The following ZFHX3 variants were observed in gnomAD, a reference collection of about 807,000 sequenced individuals.
ZFHX3 encodes zinc finger homeobox 3.
In ZFHX3, 42 loss-of-function variants were observed where a neutral mutation model predicts 279.1. The observed-to-expected ratio is 0.15, with a 90% CI of 0.12 to 0.19. ZFHX3 has a LOEUF of 0.19. ZFHX3 is among the 10% of genes least tolerant of loss of function. The pLI is 1.00. For synonymous variants in ZFHX3, 2,293 were observed against 1,957.8 expected (o/e 1.17, Z -4.52); for missense variants, 4,981 against 4,754.0 (o/e 1.05, Z -1.40).
chr16:73,559,256 C>T (rs2020334170), intron 2 of ZFHX3, among the ~76,000 whole-genome samples: 1 of 152,088 alleles, frequency 6.6e-6, no homozygotes, highest in South Asian at 2.1e-4. Flanking sequence ...CTATGTTTCC[C>T]AGGCTGGTCT....
rs2143417261 is a variant in ZFHX3 at position 72,795,530 on chromosome 16, G to A, written c.7152C>T (p.Thr2384=). 1 of 1,614,116 alleles carries A rather than the reference G, an allele frequency of 6.2e-7. No individual in the cohort carries two copies. Residue 2384 remains threonine, a synonymous_variant, in exon 9 of 10, where the codon ACC becomes ACT. Coordinates refer to ENST00000268489, the MANE Select transcript of ZFHX3 (RefSeq NM_006885.4). ...ILTPTSSSCS[T]PMPSQAYSAP... Reference sequence around the variant, plus strand: ...CGCTGTAAGCCTGTGAGGGCATCGGGGTACTGCAGGATGAGCTGGTAGGCG... The same window carrying A: ...CGCTGTAAGCCTGTGAGGGCATCGGAGTACTGCAGGATGAGCTGGTAGGCG...
At chr16:73,753,176 A>C (rs1392875275) in intron 1 of ZFHX3, among the ~76,000 whole-genome samples, 1 of 152,164 alleles carries the variant, frequency 6.6e-6, no homozygotes, top group Non-Finnish European at 1.5e-5. Context: ...CATGAGTTAC[A>C]GTGCTATTGG....
chr16:73,395,486 T>C (rs1282598439), intron 3 of ZFHX3, among the ~76,000 whole-genome samples: 2 of 151,454 alleles, frequency 1.3e-5, no homozygotes, highest in Admixed American at 6.6e-5. Flanking sequence ...CAAAAACCAA[T>C]CATCTGGCCC....
intron 3 of ZFHX3, among the ~76,000 whole-genome samples, chr16:73,386,046 G>A (rs2143382165): frequency 6.6e-6 from 1 of 152,298 alleles, no homozygotes; most frequent in African/African-American, 2.4e-5. Context: ...AAGCACTAAA[G>A]AAACTACCGA....
chr16:72,827,266 T>C (rs1227027119), intron 5 of ZFHX3, among the ~76,000 whole-genome samples: 6 of 152,222 alleles, frequency 3.9e-5, no homozygotes, highest in Non-Finnish European at 8.8e-5. Context: ...CCTCATCTTA[T>C]ATATCACTAA....
At chr16:73,001,651 A>G (rs1963503118) in intron 1 of ZFHX3, among the ~76,000 whole-genome samples, 1 of 151,778 alleles carries the variant, frequency 6.6e-6, no homozygotes, top group African/African-American at 2.4e-5. Flanking sequence ...TGTCTCTACA[A>G]AATTTTTTTT....
chr16:72,787,376 G>A lies in ZFHX3; in HGVS notation c.10900C>T (p.Pro3634Ser), dbSNP rs750437411. The A allele has an allele frequency of 3.0e-5, 49 of 1,608,654 alleles. No homozygotes were observed. Among genetic ancestry groups the A allele is most frequent in the South Asian group, 5.5e-5 (5 of 90,764 alleles). The change falls in exon 10 of 10, where the codon CCT becomes TCT. Residue 3634 changes from proline (P) to serine (S), a missense_variant. Transcript: ENST00000268489. The part of the protein sequence containing the change: ...ASAAKPPSFP[P>S]LSSSSTVTSS... ...GTAACCGTTGAAGATGAGGAGAGAG[G>A]AGGAAAAGAAGGGGGCTTCGCTGCC... is the stretch of plus-strand genomic sequence containing the variant.
At chr16:73,633,295 ATGAC>A (rs2052494926) in intron 2 of ZFHX3, among the ~76,000 whole-genome samples, 1 of 152,208 alleles carries the variant, frequency 6.6e-6, no homozygotes, top group African/African-American at 2.4e-5. Flanking sequence ...CAAAGAAACT[ATGAC>A]TGGCCAAAAA....
intron 4 of ZFHX3, among the ~76,000 whole-genome samples, chr16:72,865,719 A>C (rs2038001943): frequency 6.6e-6 from 1 of 152,138 alleles, no homozygotes; most frequent in African/African-American, 2.4e-5. Flanking sequence ...ACTCATCACA[A>C]ATGAGGGCTT....
intron 3 of ZFHX3, among the ~76,000 whole-genome samples, chr16:73,337,896 G>GT (rs111719102): frequency 0.013 from 1,869 of 145,452 alleles, 209 homozygotes; most frequent in East Asian, 0.074. Context: ...CCTTGGCGGG[G>GT]GGGGGGGTCC....
At chr16:72,848,871 G>A (rs1196334878) in intron 4 of ZFHX3, among the ~76,000 whole-genome samples, 1 of 152,002 alleles carries the variant, frequency 6.6e-6, no homozygotes, top group Non-Finnish European at 1.5e-5. Context: ...ATGCTGCCAC[G>A]GCTGGAGCTG....
intron 2 of ZFHX3, among the ~76,000 whole-genome samples, chr16:73,556,998 G>A (rs1210550138): frequency 6.7e-6 from 1 of 150,294 alleles, no homozygotes; most frequent in Non-Finnish European, 1.5e-5. Context: ...AGGAGGCTGA[G>A]GCAGGAGAAT....
intron 4 of ZFHX3, among the ~76,000 whole-genome samples, chr16:72,853,138 C>T (rs1378563512): frequency 6.6e-5 from 10 of 152,198 alleles, no homozygotes; most frequent in Non-Finnish European, 1.2e-4. Context: ...AACAGGGCCA[C>T]CATGCTAAGG....
At chr16:73,382,667 G>A (rs1349179803) in intron 3 of ZFHX3, among the ~76,000 whole-genome samples, 2 of 152,164 alleles carry the variant, frequency 1.3e-5, no homozygotes, top group East Asian at 1.9e-4. Context: ...ATAAATGTAG[G>A]CTGATTTTTG....
In ZFHX3 at chr16:72,966,959, T is replaced by A. The variant is rs114172714; in HGVS notation, c.-49-6765A>T. ...ATTGTGCTATGGCCAGGGGGCTGTATCAGGCAGCCTATGAAAGGTGAAGAT... is the reference window on the plus strand; with the variant it reads ...ATTGTGCTATGGCCAGGGGGCTGTAACAGGCAGCCTATGAAAGGTGAAGAT... On this transcript the variant is annotated intron_variant, in intron 1 of 9. Coordinates refer to ENST00000268489, the MANE Select transcript of ZFHX3 (RefSeq NM_006885.4). Among the ~76,000 whole-genome samples the A allele has an allele frequency of 8.0e-3, 1,220 of 152,294 alleles. 14 individuals carry two copies. The highest frequency in any genetic ancestry group is 0.028 in the African/African-American group (1,181 of 41,552).
At chr16:73,615,964 T>C (rs2052297382) in intron 2 of ZFHX3, among the ~76,000 whole-genome samples, 1 of 152,190 alleles carries the variant, frequency 6.6e-6, no homozygotes, top group African/African-American at 2.4e-5. Context: ...AAGAGATTTG[T>C]GTGATTTCAT....
intron 1 of ZFHX3, among the ~76,000 whole-genome samples, chr16:73,684,610 T>G (rs1311244087): frequency 6.6e-6 from 1 of 151,964 alleles, no homozygotes; most frequent in African/African-American, 2.4e-5. Flanking sequence ...AGGTTGCAGA[T>G]GGAATTAAGA....
chr16:73,116,533 T>C (rs1966435255), intron 7 of ZFHX3, among the ~76,000 whole-genome samples: 1 of 152,152 alleles, frequency 6.6e-6, no homozygotes, highest in Non-Finnish European at 1.5e-5. Flanking sequence ...TTGCTGAGGA[T>C]GAAACTGTCA....
intron 5 of ZFHX3, among the ~76,000 whole-genome samples, chr16:73,187,829 A>G (rs11860909): frequency 5.3e-4 from 80 of 152,326 alleles, no homozygotes; most frequent in African/African-American, 1.8e-3. Flanking sequence ...CCCACGTTGC[A>G]TAACAGAGCT....
Sources: gnomAD v4.1 joint callset for allele counts (sites outside exome capture counted in the v4.1 genomes callset) on GRCh38, gnomAD v4.1.1 for gene constraint, MANE v1.5 for transcripts, NCBI Gene and HGNC (gene_info 2026-07-23, HGNC 2026-07-21) for gene names.